The following RMND1 variants were observed in gnomAD, a reference collection of about 807,000 sequenced individuals.
The protein encoded by RMND1 is required for meiotic nuclear division 1 homolog, also known as required for meiotic nuclear division protein 1 homolog.
Under a neutral mutation model 54.0 loss-of-function variants are expected in RMND1, and 41 were observed. The observed-to-expected ratio is 0.76, with a 90% confidence interval of 0.59 to 0.98. The LOEUF is 0.98. RMND1 is among the 50% of genes least tolerant of loss of function. The pLI is 0.00. For missense variants in RMND1, 457 were observed against 532.0 expected (o/e 0.86, Z 1.39); for synonymous variants, 183 against 181.7 (o/e 1.01, Z -0.06).
chr6:151,405,441 G>A (rs1295708184), intron 11 of RMND1, among the ~76,000 whole-genome samples, 174 bp from the exon 12 acceptor site: 1 of 152,166 alleles, frequency 6.6e-6, no homozygotes, highest in Non-Finnish European at 1.5e-5. Context: ...ATGTTGAGCT[G>A]TACATTATAA....
chr6:151,451,198 TAAAA>T (rs58457871), intron 1 of RMND1, among the ~76,000 whole-genome samples: 5 of 113,388 alleles, frequency 4.4e-5, no homozygotes, highest in Non-Finnish European at 7.7e-5. Flanking sequence ...GAATGATCAA[TAAAA>T]AAAAAAAAAA....
intron 10 of RMND1, among the ~76,000 whole-genome samples, chr6:151,412,790 AG>A (rs1231854550): frequency 6.6e-6 from 1 of 152,138 alleles, no homozygotes; most frequent in Non-Finnish European, 1.5e-5. Context: ...AGAGCGAACA[AG>A]GGGAGATGCA....
chr6:151,436,321 C>T (rs1023275290), intron 3 of RMND1, 125 bp downstream of exon 3: 18 of 1,025,856 alleles, frequency 1.8e-5, no homozygotes, highest in East Asian at 1.0e-4. Context: ...ATTCAACATC[C>T]ACTTTTATGA....
chr6:151,436,686 G>A, intron 2 of RMND1, 132 bp from the exon 3 acceptor site: 1 of 712,142 alleles, frequency 1.4e-6, no homozygotes, highest in Non-Finnish European at 2.2e-6. Flanking sequence ...CTCCAAGGGT[G>A]ATACAAGGGA....
At chr6:151,417,460 G>T in intron 9 of RMND1, 61 bp from the exon 10 acceptor site, 10 of 1,347,478 alleles carry the variant, frequency 7.4e-6, no homozygotes, top group South Asian at 5.5e-5. Flanking sequence ...TGTTTCTATT[G>T]TATTTAATAT....
chr6:151,409,647 C>A (rs1170374021), intron 10 of RMND1, among the ~76,000 whole-genome samples: 1 of 152,114 alleles, frequency 6.6e-6, no homozygotes, highest in Non-Finnish European at 1.5e-5. Flanking sequence ...ATGGTACACA[C>A]AATTTTTAAA....
At chr6:151,445,232 G>C (rs1780916967) in intron 2 of RMND1, 76 bp downstream of exon 2, 1 of 1,475,854 alleles carries the variant, frequency 6.8e-7, no homozygotes, top group Non-Finnish European at 9.1e-7. Context: ...TGGCGGTAAG[G>C]CTGGGGTGCA....
At position 151,421,832 on chromosome 6, in the gene RMND1, T is replaced by C. The variant is rs193049980; in HGVS notation, c.1003-511A>G. Among the ~76,000 whole-genome samples, 14 of 152,266 alleles carry C rather than the reference T, an allele frequency of 9.2e-5. No individual in the cohort carries two copies. In the East Asian group the frequency reaches 2.7e-3, roughly 29 times the overall value. The stretch of plus-strand genomic sequence containing the variant: ...TCAGTTACATTAAAAATACTGCAAC[T>C]GACGGGCATGGTGGCTCGTGGCCTG... On this transcript the variant is annotated intron_variant, in intron 8 of 11. Coordinates refer to ENST00000444024, the MANE Select transcript of RMND1 (RefSeq NM_017909.4).
intron 9 of RMND1, chr6:151,418,584 G>A (rs1780070563): frequency 1.3e-5 from 2 of 152,138 alleles, no homozygotes; most frequent in African/African-American, 4.8e-5. Context: ...AGCCTCCTGA[G>A]CAGATCAAGA....
At chr6:151,415,296 C>A (rs1255202505) in intron 10 of RMND1, among the ~76,000 whole-genome samples, 1 of 150,156 alleles carries the variant, frequency 6.7e-6, no homozygotes, top group African/African-American at 2.5e-5. Context: ...TTTTTTTCTG[C>A]ATCCAATCAT....
At chr6:151,406,730 AAC>A (rs112228314) in intron 10 of RMND1, among the ~76,000 whole-genome samples, 10 of 152,288 alleles carry the variant, frequency 6.6e-5, no homozygotes, top group East Asian at 1.9e-4. Flanking sequence ...AAAATTTTAA[AAC>A]AGTTTGTCTC....
intron 4 of RMND1, among the ~76,000 whole-genome samples, chr6:151,431,244 T>A (rs1780439941): frequency 6.6e-6 from 1 of 151,824 alleles, no homozygotes; most frequent in South Asian, 2.1e-4. Context: ...TGGCTGCAGA[T>A]GTGGTCAAGC....
In RMND1 at chr6:151,417,291, G is replaced by A; in HGVS notation, c.1188C>T (p.Gly396=). 13 of 1,611,216 alleles carry A rather than the reference G, an allele frequency of 8.1e-6. No homozygotes were observed. Among genetic ancestry groups the A allele is most frequent in the Non-Finnish European group, 1.1e-5 (13 of 1,179,260 alleles). ...YDKTCQFLSI[G]RRVKVMNEKL... is the part of the protein sequence containing the mutation. ...GCAAAATACGTACCTTAACTCTTCGGCCAATGCTAAGGAATTGACACGTTT... is the reference window on the plus strand; with the variant it reads ...GCAAAATACGTACCTTAACTCTTCGACCAATGCTAAGGAATTGACACGTTT... Residue 396 remains glycine, a synonymous_variant, in exon 10 of 12, where the codon GGC becomes GGT. Coordinates refer to ENST00000444024, the MANE Select transcript of RMND1 (RefSeq NM_017909.4).
chr6:151,427,034 G>C (rs1780316002), intron 6 of RMND1, among the ~76,000 whole-genome samples: 2 of 151,760 alleles, frequency 1.3e-5, no homozygotes, highest in South Asian at 4.2e-4. Flanking sequence ...GCCTCCCAAA[G>C]TGCTGGGATT....
Position 151,427,574 on chromosome 6 carries a change from A to C in RMND1, c.738T>G (p.His246Gln). 1 of 1,600,344 alleles carries C rather than the reference A, an allele frequency of 6.2e-7. No individual in the cohort carries two copies. The highest frequency in any genetic ancestry group is 8.6e-7 in the Non-Finnish European group (1 of 1,168,048). ...FWNVKDKTMK[H>Q]VMKVLEKHEI... is the part of the protein sequence containing the mutation. Reference sequence around the variant, plus strand: ...CATGTTTTTCTAGAACTTTCATCACATGCTTCATCTAGAAGAAAAGGAAGA... The same window carrying C: ...CATGTTTTTCTAGAACTTTCATCACCTGCTTCATCTAGAAGAAAAGGAAGA... The change falls in exon 6 of 12, where the codon CAT (histidine) becomes CAG (glutamine). Residue 246 changes from histidine (H) to glutamine (Q), a missense_variant. His to Gln is a conservative substitution (Grantham distance 24, BLOSUM62 0). Transcript: ENST00000444024.
In RMND1 at chr6:151,445,814, C is replaced by A; in HGVS notation, c.-3G>T. ...GCTCTGAGGAGTGTGGCTGGCATTA[C>A]CACATCCCAAGCTAAAAGAAAAGGA... On this transcript the variant is annotated 5_prime_UTR_variant, in exon 2 of 12. Coordinates refer to ENST00000444024, the MANE Select transcript of RMND1 (RefSeq NM_017909.4). 2 of 1,592,592 alleles carry A rather than the reference C, an allele frequency of 1.3e-6. No individual in the cohort carries two copies. Among genetic ancestry groups the A allele is most frequent in the Non-Finnish European group, 1.7e-6 (2 of 1,168,654 alleles).
chr6:151,429,892 A>C (rs1335639956), intron 5 of RMND1, among the ~76,000 whole-genome samples: 1 of 152,196 alleles, frequency 6.6e-6, no homozygotes, highest in Non-Finnish European at 1.5e-5. Flanking sequence ...TTCTGTCTGC[A>C]GTATAGTTAG....
chr6:151,449,367 AC>A (rs1781060213), intron 1 of RMND1, among the ~76,000 whole-genome samples: 1 of 138,280 alleles, frequency 7.2e-6, no homozygotes, highest in Non-Finnish European at 1.6e-5. Flanking sequence ...AGATTCTGTA[AC>A]GAAAAAAAAA....
chr6:151,408,476 G>T (rs1246862191), intron 10 of RMND1, among the ~76,000 whole-genome samples: 1 of 152,136 alleles, frequency 6.6e-6, no homozygotes, highest in Admixed American at 6.6e-5. Flanking sequence ...CAGAAAAAAA[G>T]AAGTTAGTAC....
Sources: allele counts gnomAD v4.1 joint callset (sites outside exome capture counted in the v4.1 genomes callset), GRCh38; gene constraint gnomAD v4.1.1; transcripts MANE v1.5; gene names NCBI Gene and HGNC (gene_info 2026-07-23, HGNC 2026-07-21).